CBARP: variants seen among roughly 807,000 people sequenced by gnomAD.
CBARP encodes the protein voltage-dependent calcium channel beta subunit-associated regulatory protein.
In CBARP, 24 loss-of-function variants were observed where a neutral mutation model predicts 36.3. That is an observed-to-expected ratio of 0.66 (90% CI 0.48 to 0.93). The LOEUF is 0.93. CBARP is among the 40% of genes least tolerant of loss of function. The pLI, the probability that CBARP is intolerant of heterozygous loss-of-function variation, is 0.00. For synonymous variants in CBARP, 586 were observed against 453.2 expected, an observed-to-expected ratio of 1.29 and a Z score of -3.72; for missense variants, 1,146 against 980.4, an observed-to-expected ratio of 1.17 and a Z score of -2.26.
At position 1,233,784 on chromosome 19, in the gene CBARP, G is replaced by A. The variant is rs1227722133; in HGVS notation, c.769-148C>T. On this transcript the variant is annotated intron_variant, in intron 7 of 9. Coordinates refer to ENST00000650044, the MANE Select transcript of CBARP (RefSeq NM_001393918.1). ...TACCTGCTCGGAGAGGGGCAGAAGC[G>A]GGAGGAGGGGCGCTCAGTGGCTGGG... is the stretch of plus-strand genomic sequence containing the variant. 1.4e-5 allele frequency: 11 copies of A among 787,256 alleles called. 1 individual carries two copies. The Middle Eastern group carries it at 1.5e-3, about 109-fold the overall frequency. The allele number at this position is 787,256 out of a possible 1,614,324, so 48.8% of individuals were successfully genotyped here.
In CBARP at chr19:1,230,409, G is replaced by A. The variant is rs569537383; in HGVS notation, c.1155-267C>T. On this transcript the variant is annotated intron_variant, in intron 9 of 9. Transcript: ENST00000650044. ...GGCCCCCTCCCTTGGAAGCCCCCAG[G>A]AAAAGTCAACATGCTTCTCTCCGGG... 323 of 988,374 alleles carry A rather than the reference G, an allele frequency of 3.3e-4. 5 individuals carry two copies. In the South Asian group the frequency reaches 0.013, roughly 41 times the overall value. The allele number at this position is 988,374 out of a possible 1,614,324, so 61.2% of individuals were successfully genotyped here. A position where few individuals can be genotyped will look rare whatever the true frequency, so the allele number is the denominator to read the frequency against.
chr19:1,230,916 C>T, intron 9 of CBARP, 185 bp downstream of exon 9: 1 of 1,575,430 alleles, frequency 6.3e-7, no homozygotes, highest in South Asian at 1.1e-5. Context: ...CCCTGCTTCC[C>T]TCCTCTGGTC....
At chr19:1,237,056 G>C (rs927346067) in intron 1 of CBARP, among the ~76,000 whole-genome samples, 3 of 152,186 alleles carry the variant, frequency 2.0e-5, no homozygotes, top group Non-Finnish European at 2.9e-5. Context: ...AATCGCAGGG[G>C]GTCGGGGCTG....
rs1376073003 is a variant in CBARP at position 1,236,119 on chromosome 19, G to T, written c.-19C>A. 1.4e-6 allele frequency: 2 copies of T among 1,424,820 alleles called. No homozygotes were observed. The highest frequency in any genetic ancestry group is 9.1e-7 in the Non-Finnish European group (1 of 1,093,142). 88.3% of individuals were successfully genotyped at this position (1,424,820 alleles called of 1,614,324 possible). A position where few individuals can be genotyped will look rare whatever the true frequency, so the allele number is the denominator to read the frequency against. ...GCTGCATTCTGAACTGGGGAGGAGG[G>T]CCCTGTGGGGAGGAAGCCTGGTCAG... On this transcript the variant is annotated splice_region_variant and 5_prime_UTR_variant, in exon 2 of 10. Coordinates refer to ENST00000650044, the MANE Select transcript of CBARP (RefSeq NM_001393918.1).
At position 1,235,556 on chromosome 19, in the gene CBARP, C is replaced by T; in HGVS notation, c.255G>A (p.Glu85=). The T allele has an allele frequency of 1.2e-6, 2 of 1,607,906 alleles. No individual in the cohort carries two copies. Among genetic ancestry groups the T allele is most frequent in the African/African-American group, 1.3e-5 (1 of 74,900 alleles). ...DVHQRLNRAM[E]EAEKTTTTYL... The stretch of plus-strand genomic sequence containing the variant: ...AGGTGGTGGTGGTCTTCTCCGCTTC[C>T]TCCATGGCCCTGGGAGAGACGTTGG... Residue 85 remains glutamate (E), a synonymous_variant, in exon 4 of 10, where the codon GAG becomes GAA. Transcript: ENST00000650044.
upstream of CBARP, chr19:1,238,016 G>A (rs1346770608): frequency 6.8e-6 from 1 of 147,314 alleles, no homozygotes; most frequent in Middle Eastern, 3.2e-3. Flanking sequence ...GGCTGGCTCC[G>A]CGCCGGCCAC....
At chr19:1,230,401 G>GC (rs2080874731) in intron 9 of CBARP, 2 of 987,782 alleles carry the variant, frequency 2.0e-6, no homozygotes, top group African/African-American at 3.5e-5. Context: ...TCCCTTGGAA[G>GC]CCCCCAGGAA....
rs368482681 is a variant in CBARP, at chr19:1,235,157, G to A, written c.311-12C>T. The A allele has an allele frequency of 3.2e-6, 5 of 1,555,004 alleles. No homozygotes were observed. Among genetic ancestry groups the A allele is most frequent in the African/African-American group, 1.4e-5 (1 of 73,002 alleles). On this transcript the variant is annotated splice_polypyrimidine_tract_variant and intron_variant, in intron 4 of 9. Transcript: ENST00000650044. The stretch of plus-strand genomic sequence containing the variant: ...CCGGAAGTCGGGGTCTGCGTGGAGA[G>A]GCAGGAGAGGGTGGGCCCCGGGCGG...
Position 1,235,855 on chromosome 19 carries a change from C to G in CBARP, c.169G>C (p.Gly57Arg). 1 of 1,612,030 alleles carries G rather than the reference C, an allele frequency of 6.2e-7. No homozygotes were observed. The change falls in exon 3 of 10, where the codon GGG becomes CGG. Residue 57 changes from glycine to arginine, a missense_variant. Coordinates refer to ENST00000650044, the MANE Select transcript of CBARP (RefSeq NM_001393918.1). ...CCAGACAACACCACCAGCGTGCCCCCCACGAACAGCGACATCACCACCACC... is the reference window on the plus strand; with the variant it reads ...CCAGACAACACCACCAGCGTGCCCCGCACGAACAGCGACATCACCACCACC... ...LLVVVMSLFV[G>R]GTLVVLSGVL...
rs146809339 is a variant in CBARP, at chr19:1,231,263, C to T, written c.992G>A (p.Arg331Gln). ...TGCCCGCTGCCGCTGGAAGTGGTGC[C>T]GCTTGGGGGAACCTGCGCACGGGAT... Reference protein sequence around the residue: ...ASLDTRGSPKRHHFQRQRAAS... With the variant: ...ASLDTRGSPKQHHFQRQRAAS... Residue 331 changes from arginine (R) to glutamine (Q), a missense_variant, in exon 9 of 10, where the codon CGG (arginine) becomes CAG (glutamine). Transcript: ENST00000650044. 22 of 1,600,726 alleles carry T rather than the reference C, an allele frequency of 1.4e-5. No homozygotes were observed. Among genetic ancestry groups the T allele is most frequent in the African/African-American group, 1.1e-4 (8 of 74,872 alleles).
At chr19:1,234,479 A>G (rs112181417) in intron 6 of CBARP, 92 bp downstream of exon 6, 26 of 1,389,346 alleles carry the variant, frequency 1.9e-5, no homozygotes, top group Middle Eastern at 2.6e-4. Flanking sequence ...AGGGCCACCC[A>G]GAAAAAGAGT....
rs1170472542 is a variant in CBARP, at chr19:1,233,650, GA to G, written c.769-15del. Reference sequence around the variant, plus strand: ...ACCGGCATCCAACTGGCAGGGAACAGAGATGGCGCTCAGGCTAAGACTTCTT... The same window carrying G: ...ACCGGCATCCAACTGGCAGGGAACAGGATGGCGCTCAGGCTAAGACTTCTT... On this transcript the variant is annotated splice_polypyrimidine_tract_variant and intron_variant, in intron 7 of 9. Transcript: ENST00000650044. 6.2e-7 allele frequency: 1 copy of G among 1,601,668 alleles called. No individual in the cohort carries two copies. The highest frequency in any genetic ancestry group is 8.5e-7 in the Non-Finnish European group (1 of 1,174,598).
At chr19:1,234,847 A>G in intron 5 of CBARP, 105 bp from the exon 6 acceptor site, 1 of 1,516,596 alleles carries the variant, frequency 6.6e-7, no homozygotes, top group Middle Eastern at 1.8e-4. Context: ...GGCAGGCGAA[A>G]GGGGGGCAAC....
chr19:1,230,827 C>T lies in CBARP; in HGVS notation c.1154+274G>A, dbSNP rs1026642384. 6 of 1,474,668 alleles carry T rather than the reference C, an allele frequency of 4.1e-6. No individual in the cohort carries two copies. The African/African-American group carries it at 5.7e-5, about 14-fold the overall frequency. The allele number at this position is 1,474,668 out of a possible 1,614,324, so 91.3% of individuals were successfully genotyped here. ...GCAGAACCCTTCAGGCCTCGGACTC[C>T]ACCAGCAAGCAGCAGTACCAGCGCC... On this transcript the variant is annotated intron_variant, in intron 9 of 9. Coordinates refer to ENST00000650044, the MANE Select transcript of CBARP (RefSeq NM_001393918.1).
rs3746102 is a variant in CBARP at position 1,233,598 on chromosome 19, G to A, written c.807C>T (p.Pro269=). 234,864 of 1,609,814 alleles carry A rather than the reference G, an allele frequency of 0.15. 18,003 individuals are homozygous for A. The highest frequency in any genetic ancestry group is 0.16 in the Non-Finnish European group (186,027 of 1,178,814). ...CCTCCCCAGGCCCTGCTGCAGCCCCGGGCCCTCCAGCCTTGGTGCTCCTGG... is the reference window on the plus strand; with the variant it reads ...CCTCCCCAGGCCCTGCTGCAGCCCCAGGCCCTCCAGCCTTGGTGCTCCTGG... ...AGTRSTKAGG[P]GAAAGPGEAG... The change falls in exon 8 of 10, where the codon CCC becomes CCT. Residue 269 remains proline, a synonymous_variant. Transcript: ENST00000650044.
Position 1,229,694 on chromosome 19 carries a change from G to A in CBARP, c.1603C>T (p.Arg535Cys). The stretch of plus-strand genomic sequence containing the variant: ...TCGATGCTGTAGTCGCGGCGCGGGC[G>A]GCGGGGCCAGGCGCGCGGGCTGCGG... Reference protein sequence around the residue: ...RPRSPRAWPRRPRRDYSIDEK... With the variant: ...RPRSPRAWPRCPRRDYSIDEK... Residue 535 changes from arginine (R) to cysteine (C), a missense_variant, in exon 10 of 10, where the codon CGC becomes TGC. By Grantham distance (180) the Arg-to-Cys change is radical. Transcript: ENST00000650044. The surrounding 1 kb of genome is among the most constrained non-coding windows in gnomAD (Gnocchi z 5.1). The A allele has an allele frequency of 1.9e-6, 2 of 1,026,834 alleles. No homozygotes were observed. Among genetic ancestry groups the A allele is most frequent in the South Asian group, 5.3e-5 (2 of 37,712 alleles). 63.6% of individuals were successfully genotyped at this position (1,026,834 alleles called of 1,614,324 possible). A position where few individuals can be genotyped will look rare whatever the true frequency, so the allele number is the denominator to read the frequency against.
chr19:1,232,493 C>T (rs1194433853), intron 8 of CBARP, among the ~76,000 whole-genome samples: 1 of 152,188 alleles, frequency 6.6e-6, no homozygotes, highest in African/African-American at 2.4e-5. Flanking sequence ...GCCCCAGCCC[C>T]TCTGGGCTGC....
intron 1 of CBARP, among the ~76,000 whole-genome samples, chr19:1,236,578 G>A (rs1216435312): frequency 1.3e-5 from 2 of 151,944 alleles, no homozygotes; most frequent in Non-Finnish European, 2.9e-5. Flanking sequence ...CTACACCCTG[G>A]CAGGGCCCAC....
rs761314551 is a variant in CBARP, at chr19:1,234,987, G to A, written c.455+14C>T. The A allele has an allele frequency of 1.1e-5, 18 of 1,593,854 alleles. No individual in the cohort carries two copies. The highest frequency in any genetic ancestry group is 4.0e-5 in the African/African-American group (3 of 74,400). ...GACAGGCCCTGGGGTGCCTCCCAAC[G>A]CCGCCCCGCTTACCGGCGACCCTTG... On this transcript the variant is annotated intron_variant, in intron 5 of 9. Coordinates refer to ENST00000650044, the MANE Select transcript of CBARP (RefSeq NM_001393918.1).
Sources: allele counts gnomAD v4.1 joint callset (sites outside exome capture counted in the v4.1 genomes callset), GRCh38; gene constraint gnomAD v4.1.1; non-coding constraint Gnocchi (gnomAD v3.1); transcripts MANE v1.5; gene names NCBI Gene and HGNC (gene_info 2026-07-23, HGNC 2026-07-21).